Variants in ACYP2 observed in about 807,000 individuals in gnomAD.
ACYP2 encodes acylphosphatase 2, also known as acylphosphatase-2.
A neutral mutation model predicts 11.2 loss-of-function variants in ACYP2; 12 were observed. The observed-to-expected ratio is 1.08, with a 90% confidence interval of 0.69 to 1.74. The LOEUF is 1.74. Among genes scored for constraint, ACYP2 ranks in the 40% most tolerant of loss-of-function variants. The pLI is 0.00. For missense variants in ACYP2, 134 were observed against 101.9 expected, an observed-to-expected ratio of 1.31 and a Z score of -1.35; for synonymous variants, 43 against 32.2, an observed-to-expected ratio of 1.33 and a Z score of -1.13.
At chr2:54,135,072 C>T (rs1681142034) in intron 4 of ACYP2, among the ~76,000 whole-genome samples, 1 of 152,194 alleles carries the variant, frequency 6.6e-6, no homozygotes, top group Non-Finnish European at 1.5e-5. Context: ...CATCACTACT[C>T]TCGTGCTTCG....
At chr2:54,251,837 T>G (rs1687240158) in intron 6 of ACYP2, among the ~76,000 whole-genome samples, 1 of 152,226 alleles carries the variant, frequency 6.6e-6, no homozygotes, top group African/African-American at 2.4e-5. Context: ...AGGACAGGCA[T>G]GCTTACTGCC....
intron 6 of ACYP2, among the ~76,000 whole-genome samples, chr2:54,227,038 C>G (rs1224907132): frequency 6.6e-6 from 1 of 152,132 alleles, no homozygotes; most frequent in Non-Finnish European, 1.5e-5. Context: ...TGCATATATT[C>G]TGAAGACGTA....
intron 4 of ACYP2, chr2:54,080,168 A>G (rs1030185450): frequency 2.5e-4 from 45 of 177,980 alleles, no homozygotes; most frequent in African/African-American, 9.9e-4. Flanking sequence ...TGTCCCTAAC[A>G]ACTGCAGCCT....
intron 6 of ACYP2, among the ~76,000 whole-genome samples, chr2:54,267,137 G>T (rs756982807): frequency 2.2e-4 from 34 of 152,088 alleles, no homozygotes; most frequent in Non-Finnish European, 3.2e-4. Flanking sequence ...ATCTGTTTCT[G>T]TATTGTTGAG....
rs183560629 is a variant in ACYP2 at position 54,075,979 on chromosome 2, G to A, written c.277+18619G>A. 2.2e-3 allele frequency among the ~76,000 whole-genome samples: 336 copies of A among 151,694 alleles called. 3 individuals are homozygous for A. Among genetic ancestry groups the A allele is most frequent in the Admixed American group, 0.017 (266 of 15,212 alleles). ...ATGAGTTCTTTGTAGCAGATATTTCGAGTTTTGCATTATAAAAAGTGTTTT... is the reference window on the plus strand; with the variant it reads ...ATGAGTTCTTTGTAGCAGATATTTCAAGTTTTGCATTATAAAAAGTGTTTT... On this transcript the variant is annotated intron_variant, in intron 4 of 6. Coordinates refer to ENST00000607452, the MANE Select transcript of ACYP2 (RefSeq NM_001320586.2).
At chr2:54,287,572 C>T (rs937004389) in intron 6 of ACYP2, among the ~76,000 whole-genome samples, 2 of 151,918 alleles carry the variant, frequency 1.3e-5, no homozygotes, top group Admixed American at 6.5e-5. Context: ...CAGTTTCTGC[C>T]TGGCTCTACT....
intron 6 of ACYP2, among the ~76,000 whole-genome samples, chr2:54,256,873 G>A (rs1176453787): frequency 6.6e-6 from 1 of 151,950 alleles, no homozygotes; most frequent in Non-Finnish European, 1.5e-5. Context: ...TTGCCATGTT[G>A]GCCAGGCTGG....
At chr2:54,042,070 C>T (rs1011587657) in intron 2 of ACYP2, among the ~76,000 whole-genome samples, 9 of 151,344 alleles carry the variant, frequency 5.9e-5, no homozygotes, top group South Asian at 2.1e-4. Context: ...TGCAGTGGCA[C>T]GATCTTGGCT....
chr2:53,994,329 CAAAAAAAAAAAAA>C (rs374302355), intron 2 of ACYP2, among the ~76,000 whole-genome samples: 293 of 42,894 alleles, frequency 6.8e-3, no homozygotes, highest in Middle Eastern at 0.028. Context: ...GACTCCGTCT[CAAAAAAAAAAAAA>C]AAAAAAAAAA....
chr2:54,112,338 T>C (rs1262486519), intron 4 of ACYP2, among the ~76,000 whole-genome samples: 1 of 152,204 alleles, frequency 6.6e-6, no homozygotes, highest in Non-Finnish European at 1.5e-5. Flanking sequence ...TAATCATGCA[T>C]TGTACGTGAA....
chr2:54,232,773 T>A lies in ACYP2; in HGVS notation c.405-71915T>A. On this transcript the variant is annotated intron_variant, in intron 6 of 6. Coordinates refer to ENST00000607452, the MANE Select transcript of ACYP2 (RefSeq NM_001320586.2). ...AAGAGAGGGAGAGCAAAGGGGGAAG[T>A]GCCACACTTTTAAACCATCAGATCT... is the stretch of plus-strand genomic sequence containing the variant. Among the ~76,000 whole-genome samples, 2 of 151,896 alleles carry A rather than the reference T, an allele frequency of 1.3e-5. 1 individual carries two copies. The highest frequency in any genetic ancestry group is 1.3e-4 in the Admixed American group (2 of 15,250).
In ACYP2 at chr2:53,975,321, C is replaced by T. The variant is rs1257337647; in HGVS notation, c.62+1511C>T. On this transcript the variant is annotated intron_variant, in intron 2 of 6. Coordinates refer to ENST00000607452, the MANE Select transcript of ACYP2 (RefSeq NM_001320586.2). ...GGAAAAGTTGAAGAATTTACGGGAG[C>T]AAGCAAAATAAGGTCTCTTCCTCTT... 8 of 398,278 alleles carry T rather than the reference C, an allele frequency of 2.0e-5. No homozygotes were observed. In the East Asian group the frequency reaches 2.9e-4, roughly 14 times the overall value. The allele number at this position is 398,278 out of a possible 1,614,324, so 24.7% of individuals were successfully genotyped here. A position where few individuals can be genotyped will look rare whatever the true frequency, so the allele number is the denominator to read the frequency against.
chr2:54,201,636 C>CTTTGTTTGTTTCTTTT (rs59874821), intron 6 of ACYP2, among the ~76,000 whole-genome samples: 1 of 93,662 alleles, frequency 1.1e-5, no homozygotes, highest in African/African-American at 4.3e-5. Flanking sequence ...TTCTTTCTTT[C>CTTTGTTTGTTTCTTTT]TCTTTCTTTC....
intron 6 of ACYP2, among the ~76,000 whole-genome samples, chr2:54,207,030 G>C (rs1685099404): frequency 6.6e-6 from 1 of 151,756 alleles, no homozygotes; most frequent in African/African-American, 2.4e-5. Flanking sequence ...GTATATGTGT[G>C]CATGTACATG....
chr2:54,210,981 T>C (rs1685310115), intron 6 of ACYP2, among the ~76,000 whole-genome samples: 1 of 152,218 alleles, frequency 6.6e-6, no homozygotes, highest in Non-Finnish European at 1.5e-5. Context: ...GGCACTGGTC[T>C]CTTTCACCTC....
intron 2 of ACYP2, among the ~76,000 whole-genome samples, chr2:53,985,667 C>T (rs984366736): frequency 6.6e-6 from 1 of 152,162 alleles, no homozygotes; most frequent in East Asian, 1.9e-4. Context: ...ATATTTGACC[C>T]TCCAAACCTC....
chr2:53,996,115 C>G (rs1046070859), intron 2 of ACYP2, among the ~76,000 whole-genome samples: 1 of 151,330 alleles, frequency 6.6e-6, no homozygotes, highest in Non-Finnish European at 1.5e-5. Flanking sequence ...GCCCGGGCAA[C>G]AAGAGCGAAA....
At chr2:54,287,524 A>G (rs1289053329) in intron 6 of ACYP2, among the ~76,000 whole-genome samples, 1 of 152,014 alleles carries the variant, frequency 6.6e-6, no homozygotes, top group East Asian at 1.9e-4. Flanking sequence ...TAGAGGTGAC[A>G]CTGAGTGTCT....
chr2:54,034,793 G>A (rs1044197630), intron 2 of ACYP2, among the ~76,000 whole-genome samples: 1 of 151,918 alleles, frequency 6.6e-6, no homozygotes, highest in Non-Finnish European at 1.5e-5. Flanking sequence ...GGTGGATCAC[G>A]AGGTCAGGCA....
Sources: gnomAD v4.1 joint callset for allele counts (sites outside exome capture counted in the v4.1 genomes callset) on GRCh38, gnomAD v4.1.1 for gene constraint, MANE v1.5 for transcripts, NCBI Gene and HGNC (gene_info 2026-07-23, HGNC 2026-07-21) for gene names.